The following UPP2 variants were observed in gnomAD, a reference collection of about 807,000 sequenced individuals.
The protein encoded by UPP2 is UPase 2.
A neutral mutation model predicts 26.7 loss-of-function variants in UPP2; 23 were observed. The observed-to-expected ratio is 0.86, with a 90% CI of 0.62 to 1.22. The LOEUF (loss-of-function observed/expected upper bound fraction) is 1.22, where lower values mean the gene tolerates loss of function less well. UPP2 is among the 50% of genes most tolerant of loss of function. The pLI is 0.00. For missense variants in UPP2, 387 were observed against 396.7 expected, an observed-to-expected ratio of 0.98 and a Z score of 0.21; for synonymous variants, 127 against 141.3, an observed-to-expected ratio of 0.90 and a Z score of 0.72.
intron 3 of UPP2, among the ~76,000 whole-genome samples, chr2:158,085,411 T>C (rs565319036): frequency 6.6e-6 from 1 of 152,270 alleles, no homozygotes; most frequent in Admixed American, 6.5e-5. Flanking sequence ...GAGGAGTCTT[T>C]AGGGTTTTCT....
chr2:158,022,327 C>T lies in UPP2; in HGVS notation c.147+6441C>T, dbSNP rs182749559. 2.2e-4 allele frequency among the ~76,000 whole-genome samples: 34 copies of T among 151,618 alleles called. 1 individual carries two copies. In the East Asian group the frequency reaches 6.4e-3, roughly 29 times the overall value. On this transcript the variant is annotated intron_variant, in intron 3 of 9. Coordinates refer to the UPP2 transcript ENST00000605860. ...ACAAAAAATTAGCTGGGCGTAGTGG[C>T]GGGCGCCTGTAATCCCAGCTACTCA...
chr2:158,023,270 T>C (rs1485476885), intron 3 of UPP2, among the ~76,000 whole-genome samples: 1 of 151,624 alleles, frequency 6.6e-6, no homozygotes, highest in African/African-American at 2.4e-5. Flanking sequence ...CAGTGCTGCT[T>C]TACCCCCAAT....
chr2:158,116,902 A>G (rs558173994), intron 3 of UPP2, among the ~76,000 whole-genome samples: 2 of 149,380 alleles, frequency 1.3e-5, no homozygotes, highest in Admixed American at 1.3e-4. Context: ...GGAACCAGAA[A>G]GGGGTAACGC....
intron 3 of UPP2, among the ~76,000 whole-genome samples, chr2:158,061,135 A>G (rs1215818861): frequency 6.6e-6 from 1 of 152,266 alleles, no homozygotes; most frequent in East Asian, 1.9e-4. Context: ...GCAACGGGCC[A>G]CAACCCCAGT....
chr2:158,048,227 G>C (rs1300329150), intron 3 of UPP2, among the ~76,000 whole-genome samples: 1 of 152,232 alleles, frequency 6.6e-6, no homozygotes. Flanking sequence ...AAGAGAGTTG[G>C]ATTGGGGCAG....
intron 2 of UPP2, among the ~76,000 whole-genome samples, chr2:158,113,557 G>A (rs558178818): frequency 1.2e-4 from 18 of 152,266 alleles, no homozygotes; most frequent in African/African-American, 4.1e-4. Flanking sequence ...GAGAAGCAGA[G>A]GGCGTGGATA....
intron 3 of UPP2, among the ~76,000 whole-genome samples, chr2:158,089,266 G>C (rs1013455840): frequency 6.6e-6 from 1 of 152,126 alleles, no homozygotes; most frequent in African/African-American, 2.4e-5. Context: ...GTGGGGGAAA[G>C]TTGTTAGTTA....
At chr2:158,085,978 C>A (rs1682808165) in intron 3 of UPP2, among the ~76,000 whole-genome samples, 1 of 151,654 alleles carries the variant, frequency 6.6e-6, no homozygotes, top group African/African-American at 2.4e-5. Context: ...TTTGTTATGT[C>A]CTTTCCTGGT....
rs1277153995 is a variant in UPP2, at chr2:158,019,692, AAGAC to A, written c.147+3810_147+3813del. Among the ~76,000 whole-genome samples, 82 of 149,556 alleles carry A rather than the reference AAGAC, an allele frequency of 5.5e-4. 1 individual carries two copies. The highest frequency in any genetic ancestry group is 1.8e-3 in the African/African-American group (74 of 40,392). ...CACACACACACACACACACACAAGA[AAGAC>A]AGAGAGAGAGAGAGAAATTCTATCT... is the stretch of plus-strand genomic sequence containing the variant. On this transcript the variant is annotated intron_variant, in intron 3 of 9. Transcript: ENST00000605860.
chr2:158,015,223 AAAC>A (rs1333213648), intron 2 of UPP2, among the ~76,000 whole-genome samples: 4 of 152,122 alleles, frequency 2.6e-5, no homozygotes, highest in Admixed American at 2.6e-4. Context: ...TATACCCATT[AAAC>A]AACAACTTCC....
chr2:158,114,980 A>C, intron 2 of UPP2, 121 bp from the exon 3 acceptor site: 1 of 905,102 alleles, frequency 1.1e-6, no homozygotes, highest in South Asian at 3.4e-5. Flanking sequence ...ATAAACCATG[A>C]CATCTACACG....
At chr2:158,118,301 A>C (rs1237947734) in intron 4 of UPP2, among the ~76,000 whole-genome samples, 1 of 151,552 alleles carries the variant, frequency 6.6e-6, no homozygotes, top group Non-Finnish European at 1.5e-5. Flanking sequence ...AAAAAAAATC[A>C]TAAAAATGTC....
At chr2:158,052,216 G>A (rs79900466) in intron 3 of UPP2, among the ~76,000 whole-genome samples, 6,102 of 152,212 alleles carry the variant, frequency 0.04, 299 homozygotes, top group Admixed American at 0.15. Context: ...ATGGGAACAT[G>A]TCACCTGAAG....
intron 2 of UPP2, among the ~76,000 whole-genome samples, chr2:158,014,530 TCCC>T (rs1442956197): frequency 6.6e-6 from 1 of 152,166 alleles, no homozygotes; most frequent in East Asian, 1.9e-4. Flanking sequence ...GGACCTTCCC[TCCC>T]ACTCCCCTGT....
At chr2:157,996,849 A>G (rs1683331089) in intron 2 of UPP2, among the ~76,000 whole-genome samples, 1 of 152,254 alleles carries the variant, frequency 6.6e-6, no homozygotes, top group African/African-American at 2.4e-5. Context: ...TTTTAGGGCA[A>G]CATGACATGT....
chr2:158,006,390 A>G (rs1683488218), intron 2 of UPP2, among the ~76,000 whole-genome samples: 1 of 151,548 alleles, frequency 6.6e-6, no homozygotes, highest in African/African-American at 2.4e-5. Context: ...AATGGCGTGA[A>G]CAAGGGAGGC....
chr2:158,064,625 C>T (rs1682407185), intron 3 of UPP2, among the ~76,000 whole-genome samples: 1 of 152,098 alleles, frequency 6.6e-6, no homozygotes, highest in Admixed American at 6.5e-5. Flanking sequence ...GCTTTTGTTG[C>T]CATTGCTTTT....
intron 2 of UPP2, among the ~76,000 whole-genome samples, chr2:158,002,854 CTT>C (rs1332968318): frequency 2.0e-5 from 3 of 152,158 alleles, no homozygotes; most frequent in Non-Finnish European, 4.4e-5. Context: ...TTAGTGGTGA[CTT>C]TGCTGCTTGG....
intron 3 of UPP2, among the ~76,000 whole-genome samples, chr2:158,088,919 G>A (rs996830454): frequency 6.6e-6 from 1 of 152,180 alleles, no homozygotes; most frequent in Non-Finnish European, 1.5e-5. Context: ...AGGGTCCCTG[G>A]TTGTAGTTTT....
Sources: allele counts gnomAD v4.1 joint callset (sites outside exome capture counted in the v4.1 genomes callset), GRCh38; gene constraint gnomAD v4.1.1; transcripts MANE v1.5; gene names NCBI Gene and HGNC (gene_info 2026-07-23, HGNC 2026-07-21).